TMEM51: variants seen among roughly 807,000 people sequenced by gnomAD.
TMEM51 encodes transmembrane protein 51.
In TMEM51, 8 loss-of-function variants were observed where a neutral mutation model predicts 13.6. That is an observed-to-expected ratio of 0.59 (90% CI 0.35 to 1.07). TMEM51 has a LOEUF of 1.07. TMEM51 is among the 50% of genes least tolerant of loss of function. The pLI is 0.02. For missense variants in TMEM51, 279 were observed against 330.7 expected (o/e 0.84, Z 1.21); for synonymous variants, 147 against 144.4 (o/e 1.02, Z -0.13).
chr1:15,156,171 G>A (rs937417372), intron 1 of TMEM51, among the ~76,000 whole-genome samples: 5 of 152,192 alleles, frequency 3.3e-5, no homozygotes, highest in Non-Finnish European at 7.3e-5. Flanking sequence ...AGTGTCTGGG[G>A]TATTGGCAGG....
At chr1:15,194,900 C>A (rs1235269506) in intron 1 of TMEM51, among the ~76,000 whole-genome samples, 1 of 149,136 alleles carries the variant, frequency 6.7e-6, no homozygotes, top group African/African-American at 2.5e-5. Flanking sequence ...AGAATTCAAG[C>A]CCCATATATA....
chr1:15,163,897 C>T (rs1303747043), intron 1 of TMEM51, among the ~76,000 whole-genome samples: 2 of 151,428 alleles, frequency 1.3e-5, no homozygotes, highest in African/African-American at 2.4e-5. Flanking sequence ...GGCGTGGTCT[C>T]GGCTCACAGC....
At position 15,161,306 on chromosome 1, in the gene TMEM51, C is replaced by CG. The variant is rs1318414527; in HGVS notation, c.-267+7353dup. On this transcript the variant is annotated intron_variant, in intron 1 of 3. Transcript: ENST00000376008. The surrounding 1 kb of genome is among the most constrained non-coding windows in gnomAD (Gnocchi z 4.0). ...TGGATTGCTTGAGGTCAGGAGTTCA[C>CG]GACTAGCCTGGCCAACATGGTGAAA... 1.3e-5 allele frequency among the ~76,000 whole-genome samples: 2 copies of CG among 151,662 alleles called. No homozygotes were observed. Among genetic ancestry groups the CG allele is most frequent in the African/African-American group, 4.9e-5 (2 of 41,124 alleles).
At position 15,159,834 on chromosome 1, in the gene TMEM51, CCTT is replaced by C. The variant is rs377214062; in HGVS notation, c.-267+5887_-267+5889del. Among the ~76,000 whole-genome samples the C allele has an allele frequency of 1.9e-3, 292 of 152,274 alleles. 9 individuals carry two copies. The South Asian group carries it at 0.051, about 27-fold the overall frequency. On this transcript the variant is annotated intron_variant, in intron 1 of 3. Transcript: ENST00000376008. ...CCTAGGCATGAACCACCACACCTAG[CCTT>C]CTTCTTTTTTTAATGTCCCCAGAGC...
At chr1:15,196,523 C>T (rs558231109) in intron 1 of TMEM51, among the ~76,000 whole-genome samples, 2 of 152,116 alleles carry the variant, frequency 1.3e-5, no homozygotes, top group South Asian at 2.1e-4. Context: ...CATGGTGCAC[C>T]AGCACACACA....
chr1:15,172,493 GGAGA>G (rs775992199), intron 1 of TMEM51, among the ~76,000 whole-genome samples: 57 of 151,166 alleles, frequency 3.8e-4, no homozygotes, highest in African/African-American at 1.3e-3. Flanking sequence ...AAGAGAAGAA[GGAGA>G]GAGAGAGAGA....
chr1:15,164,421 T>A (rs551903393), intron 1 of TMEM51: 20 of 456,000 alleles, frequency 4.4e-5, no homozygotes, highest in Non-Finnish European at 7.9e-5. Context: ...CCTGATGTCT[T>A]CTCGTGACTG....
intron 1 of TMEM51, among the ~76,000 whole-genome samples, chr1:15,154,770 C>A (rs1200083000): frequency 1.3e-5 from 2 of 152,164 alleles, no homozygotes; most frequent in African/African-American, 2.4e-5. Flanking sequence ...CCCCAGGGAG[C>A]AGCCCGTGGG....
chr1:15,178,592 C>G (rs1643520413), intron 1 of TMEM51, among the ~76,000 whole-genome samples: 1 of 152,218 alleles, frequency 6.6e-6, no homozygotes, highest in Non-Finnish European at 1.5e-5. Context: ...CTGCTGCTCA[C>G]CTACCATCTC....
chr1:15,202,713 ATC>A (rs1028743799), intron 1 of TMEM51, among the ~76,000 whole-genome samples: 3 of 152,172 alleles, frequency 2.0e-5, no homozygotes, highest in Non-Finnish European at 4.4e-5. Flanking sequence ...TAATCTCCCC[ATC>A]TCAAGATTCT....
At chr1:15,214,131 A>G (rs6429727) in intron 2 of TMEM51, among the ~76,000 whole-genome samples, 105,559 of 151,558 alleles carry the variant, frequency 0.7, 37,083 homozygotes, top group East Asian at 0.95. Context: ...GATTACAGGC[A>G]TGAACTCTGC....
chr1:15,180,210 T>C (rs531644673), intron 1 of TMEM51, among the ~76,000 whole-genome samples: 1 of 149,536 alleles, frequency 6.7e-6, no homozygotes, highest in East Asian at 1.9e-4. Flanking sequence ...TTTGCAGTTG[T>C]TGAGCATTTA....
intron 1 of TMEM51, among the ~76,000 whole-genome samples, chr1:15,193,575 CTTT>C (rs3078881): frequency 1.7e-5 from 2 of 114,642 alleles, no homozygotes; most frequent in Admixed American, 8.9e-5. Context: ...TTCTTTCTTT[CTTT>C]TTTTTTTTTT....
intron 1 of TMEM51, among the ~76,000 whole-genome samples, chr1:15,183,930 C>T (rs1643692358): frequency 6.6e-6 from 1 of 152,266 alleles, no homozygotes; most frequent in Non-Finnish European, 1.5e-5. Context: ...TCATTTCAAA[C>T]ATGAAGGTGC....
intron 1 of TMEM51, among the ~76,000 whole-genome samples, chr1:15,209,890 G>C (rs1057106522): frequency 6.6e-6 from 1 of 152,122 alleles, no homozygotes; most frequent in African/African-American, 2.4e-5. Flanking sequence ...AATTAGCCAG[G>C]TGTGGGGGTG....
intron 3 of TMEM51, among the ~76,000 whole-genome samples, chr1:15,216,813 A>C (rs1429722793): frequency 6.6e-6 from 1 of 152,206 alleles, no homozygotes; most frequent in Non-Finnish European, 1.5e-5. Flanking sequence ...TATCCACAAC[A>C]ATGAGAAAAG....
At chr1:15,187,331 G>C in intron 1 of TMEM51, among the ~76,000 whole-genome samples, 1 of 152,266 alleles carries the variant, frequency 6.6e-6, no homozygotes, top group Admixed American at 6.5e-5. Flanking sequence ...ACTTCTGCTC[G>C]CTTTTCCCTC....
At chr1:15,172,634 T>G (rs1002447297) in intron 1 of TMEM51, among the ~76,000 whole-genome samples, 6 of 152,194 alleles carry the variant, frequency 3.9e-5, no homozygotes, top group Admixed American at 2.0e-4. Context: ...CCCTTTATGA[T>G]CCTATATTGT....
chr1:15,168,490 A>T, intron 1 of TMEM51: 1 of 1,301,824 alleles, frequency 7.7e-7, no homozygotes, highest in Non-Finnish European at 1.0e-6. Context: ...TTCCAATTTT[A>T]TGTATTATTG....
Sources: allele counts gnomAD v4.1 joint callset (sites outside exome capture counted in the v4.1 genomes callset), GRCh38; gene constraint gnomAD v4.1.1; non-coding constraint Gnocchi (gnomAD v3.1); transcripts MANE v1.5; gene names NCBI Gene and HGNC (gene_info 2026-07-23, HGNC 2026-07-21).